Variants in ATP2A3 observed in about 807,000 individuals in gnomAD.
ATP2A3 encodes sarcoplasmic/endoplasmic reticulum calcium ATPase 3.
Under a neutral mutation model 106.8 loss-of-function variants are expected in ATP2A3, and 61 were observed. That is an observed-to-expected ratio of 0.57 (90% confidence interval 0.46 to 0.71). ATP2A3 has a LOEUF of 0.71. ATP2A3 is among the 30% of genes least tolerant of loss of function. The probability of loss-of-function intolerance (pLI) is 0.00; values close to 1 mark genes in which losing one functional copy is unlikely to be tolerated. For synonymous variants in ATP2A3, 611 were observed against 609.3 expected, an observed-to-expected ratio of 1.00 and a Z score of -0.04; for missense variants, 1,201 against 1,423.5, an observed-to-expected ratio of 0.84 and a Z score of 2.52.
At chr17:3,962,280 G>A (rs1597692890) in intron 1 of ATP2A3, among the ~76,000 whole-genome samples, 1 of 152,226 alleles carries the variant, frequency 6.6e-6, no homozygotes, top group African/African-American at 2.4e-5. Context: ...GTGACCTCGG[G>A]CAAGTGGTTT....
At chr17:3,951,129 C>T (rs985476199) in intron 5 of ATP2A3, 122 bp downstream of exon 5, 17 of 1,005,284 alleles carry the variant, frequency 1.7e-5, no homozygotes, top group Non-Finnish European at 2.1e-5. Context: ...GCCGAGATTG[C>T]GCCACTGCAC....
chr17:3,937,480 T>G lies in ATP2A3; in HGVS notation c.2257A>C (p.Ile753Leu). The G allele has an allele frequency of 1.9e-6, 3 of 1,612,870 alleles. No individual in the cohort carries two copies. Among genetic ancestry groups the G allele is most frequent in the Non-Finnish European group, 2.5e-6 (3 of 1,179,138 alleles). ...ATGAATTGCTTCATGTTGCTGTAGA[T>G]GGCCCGGCCCTCCTCCACCGCAGCC... The part of the protein sequence containing the change: ...IVAAVEEGRA[I>L]YSNMKQFIRY... Residue 753 changes from isoleucine to leucine, a missense_variant, in exon 15 of 21, where the codon ATC becomes CTC. Coordinates refer to ENST00000397041, the MANE Select transcript of ATP2A3 (RefSeq NM_005173.4).
chr17:3,943,632 AC>A (rs1162588833), intron 10 of ATP2A3, 110 bp from the exon 11 acceptor site: 1 of 1,553,238 alleles, frequency 6.4e-7, no homozygotes. Flanking sequence ...GTTCCGTGTA[AC>A]CTCCTTTGCA....
intron 3 of ATP2A3, among the ~76,000 whole-genome samples, chr17:3,952,798 C>T (rs946346942): frequency 6.6e-6 from 1 of 152,118 alleles, no homozygotes; most frequent in Non-Finnish European, 1.5e-5. Context: ...CCCTATGTTG[C>T]CCATGCTGGT....
At chr17:3,962,308 G>A (rs992873975) in intron 1 of ATP2A3, among the ~76,000 whole-genome samples, 17 of 152,146 alleles carry the variant, frequency 1.1e-4, no homozygotes, top group Non-Finnish European at 2.4e-4. Flanking sequence ...GGGTGCCTCC[G>A]TTTCCTGCTG....
chr17:3,932,271 G>A (rs2053148302), intron 17 of ATP2A3, among the ~76,000 whole-genome samples: 1 of 152,064 alleles, frequency 6.6e-6, no homozygotes, highest in African/African-American at 2.4e-5. Flanking sequence ...AGCCTCCTGA[G>A]TAGCTGGGAC....
At chr17:3,937,178 T>A (rs1335529994) in intron 15 of ATP2A3, 2 of 569,942 alleles carry the variant, frequency 3.5e-6, no homozygotes, top group African/African-American at 3.8e-5. Context: ...GACAGGCGAC[T>A]CTTCAGGCAC....
intron 1 of ATP2A3, among the ~76,000 whole-genome samples, chr17:3,956,849 C>T (rs927117229): frequency 6.6e-6 from 1 of 152,246 alleles, no homozygotes; most frequent in Admixed American, 6.5e-5. Flanking sequence ...CCTCTCACCC[C>T]GCCCACCTGG....
intron 1 of ATP2A3, among the ~76,000 whole-genome samples, chr17:3,960,629 A>G (rs2055084977): frequency 6.6e-6 from 1 of 152,212 alleles, no homozygotes; most frequent in South Asian, 2.1e-4. Flanking sequence ...GCTCCTTAAC[A>G]TATGAAAAGA....
Position 3,945,047 on chromosome 17 carries a change from G to T in ATP2A3, c.1184+13C>A, listed in dbSNP as rs1284211179. Reference sequence around the variant, plus strand: ...AGGCCGCCCGCCCGCGCGTCCCCTGGCCCCGCACTCACACTTCGCCCTCGG... The same window carrying T: ...AGGCCGCCCGCCCGCGCGTCCCCTGTCCCCGCACTCACACTTCGCCCTCGG... On this transcript the variant is annotated intron_variant, in intron 9 of 20. Coordinates refer to ENST00000397041, the MANE Select transcript of ATP2A3 (RefSeq NM_005173.4). 4 of 1,533,970 alleles carry T rather than the reference G, an allele frequency of 2.6e-6. No homozygotes were observed. The highest frequency in any genetic ancestry group is 3.5e-6 in the Non-Finnish European group (4 of 1,138,834).
At position 3,947,428 on chromosome 17, in the gene ATP2A3, G is replaced by C; in HGVS notation, c.1058C>G (p.Thr353Arg). The stretch of plus-strand genomic sequence containing the variant: ...CATCTGATTGGTGGTGAGCGTGCCC[G>C]TCTTGTCGGAGCAGATGACTGAGGT... Reference protein sequence around the residue: ...GCTSVICSDKTGTLTTNQMSV... With the variant: ...GCTSVICSDKRGTLTTNQMSV... Residue 353 changes from threonine (T) to arginine (R), a missense_variant, in exon 8 of 21, where the codon ACG becomes AGG. Around this residue, in one of 2 missense-constraint regions of ATP2A3, gnomAD observed 935 missense variants for 1,176.7 expected, o/e 0.79. Transcript: ENST00000397041. This position sits in a 1 kb window ranked among gnomAD's most constrained non-coding sequence, Gnocchi z 7.7. 6.2e-7 allele frequency: 1 copy of C among 1,613,880 alleles called. No individual in the cohort carries two copies. Among genetic ancestry groups the C allele is most frequent in the Non-Finnish European group, 8.5e-7 (1 of 1,180,024 alleles).
At chr17:3,963,493 G>A (rs1405267618) in intron 1 of ATP2A3, among the ~76,000 whole-genome samples, 2 of 152,274 alleles carry the variant, frequency 1.3e-5, no homozygotes, top group African/African-American at 4.8e-5. Context: ...AGGTGAGGAT[G>A]AAATGATAGT....
rs375843886 is a variant in ATP2A3 at position 3,950,492 on chromosome 17, C to G, written c.630+19G>C. ...ATTTTTATCATTGTCTGGGCAAAGG[C>G]CCCAGACATTTGACTTACAGAAAAC... On this transcript the variant is annotated intron_variant, in intron 7 of 20. Coordinates refer to ENST00000397041, the MANE Select transcript of ATP2A3 (RefSeq NM_005173.4). The G allele has an allele frequency of 6.2e-7, 1 of 1,607,134 alleles. No homozygotes were observed. The highest frequency in any genetic ancestry group is 1.1e-5 in the South Asian group (1 of 90,946).
intron 14 of ATP2A3, among the ~76,000 whole-genome samples, chr17:3,938,870 G>A (rs1007449497): frequency 5.9e-5 from 9 of 152,150 alleles, no homozygotes; most frequent in African/African-American, 1.7e-4. Flanking sequence ...TAAGCTCAAC[G>A]TAAATAGTTA....
At position 3,936,679 on chromosome 17, in the gene ATP2A3, G is replaced by T; in HGVS notation, c.2322-210C>A. ...CCTGCCTTCCCCAGTCCCAGCTCTGGATCCTGGACATACCTGCTCTTTAGG... is the reference window on the plus strand; with the variant it reads ...CCTGCCTTCCCCAGTCCCAGCTCTGTATCCTGGACATACCTGCTCTTTAGG... On this transcript the variant is annotated intron_variant, in intron 15 of 20. Coordinates refer to ENST00000397041, the MANE Select transcript of ATP2A3 (RefSeq NM_005173.4). This position sits in a 1 kb window ranked among gnomAD's most constrained non-coding sequence, Gnocchi z 5.4. 1.7e-6 allele frequency: 1 copy of T among 604,008 alleles called. No homozygotes were observed. Among genetic ancestry groups the T allele is most frequent in the Non-Finnish European group, 3.0e-6 (1 of 332,582 alleles). The allele number at this position is 604,008 out of a possible 1,614,324, so 37.4% of individuals were successfully genotyped here.
intron 9 of ATP2A3, 119 bp downstream of exon 9, chr17:3,944,941 C>G: frequency 7.5e-7 from 1 of 1,336,958 alleles, no homozygotes; most frequent in Non-Finnish European, 9.9e-7. Context: ...TGGCCCCGCC[C>G]CGGGAGAGGC....
At chr17:3,940,557 G>C (rs866064519) in intron 14 of ATP2A3, among the ~76,000 whole-genome samples, 1 of 152,200 alleles carries the variant, frequency 6.6e-6, no homozygotes, top group South Asian at 2.1e-4. Context: ...ACCCAGGCTG[G>C]AGTGCAGTGG....
chr17:3,952,500 T>TG (rs767401665), intron 3 of ATP2A3, among the ~76,000 whole-genome samples: 22 of 152,326 alleles, frequency 1.4e-4, no homozygotes, highest in Admixed American at 7.8e-4. Context: ...AAAATCCATG[T>TG]GGGGGACACT....
At chr17:3,959,888 C>G (rs2055044738) in intron 1 of ATP2A3, among the ~76,000 whole-genome samples, 1 of 152,242 alleles carries the variant, frequency 6.6e-6, no homozygotes, top group African/African-American at 2.4e-5. Context: ...TGCTCAACAT[C>G]TCTTCGTCCG....
Sources: gnomAD v4.1 joint callset for allele counts (sites outside exome capture counted in the v4.1 genomes callset) on GRCh38, gnomAD v4.1.1 for gene constraint, gnomAD v4.1.1 regional missense constraint, Gnocchi (gnomAD v3.1) non-coding constraint, MANE v1.5 for transcripts, NCBI Gene and HGNC (gene_info 2026-07-23, HGNC 2026-07-21) for gene names.